The following DNAH7 variants were observed in gnomAD, a reference collection of about 807,000 sequenced individuals.
DNAH7 encodes axonemal beta dynein heavy chain 7.
In DNAH7, 397 loss-of-function variants were observed where a neutral mutation model predicts 444.6. That is an observed-to-expected ratio of 0.89 (90% CI 0.82 to 0.97). The LOEUF (loss-of-function observed/expected upper bound fraction) is 0.97. Ranked by LOEUF, DNAH7 falls within the 50% of genes least tolerant of loss-of-function variation. DNAH7 has a pLI of 0.00. For synonymous variants in DNAH7, 1,636 were observed against 1,624.4 expected, an observed-to-expected ratio of 1.01 and a Z score of -0.17; for missense variants, 4,902 against 4,800.8, an observed-to-expected ratio of 1.02 and a Z score of -0.62.
At position 195,814,724 on chromosome 2, in the gene DNAH7, G is replaced by T. The variant is rs146916585; in HGVS notation, c.9761+1904C>A. Among the ~76,000 whole-genome samples the T allele has an allele frequency of 4.6e-3, 701 of 152,074 alleles. 2 individuals are homozygous for T. Among genetic ancestry groups the T allele is most frequent in the Middle Eastern group, 0.014 (4 of 294 alleles). On this transcript the variant is annotated intron_variant, in intron 51 of 64. Coordinates refer to ENST00000312428, the MANE Select transcript of DNAH7 (RefSeq NM_018897.3). ...TGGCTATAATGTGATTAGCACTGTCGTAACTACTGGGAATAATTTTTTTTT... is the reference window on the plus strand; with the variant it reads ...TGGCTATAATGTGATTAGCACTGTCTTAACTACTGGGAATAATTTTTTTTT...
intron 48 of DNAH7, among the ~76,000 whole-genome samples, chr2:195,826,891 T>C (rs1369539679): frequency 1.3e-5 from 2 of 152,108 alleles, no homozygotes; most frequent in African/African-American, 2.4e-5. Flanking sequence ...ATGGCTTTGA[T>C]CTCTTTGGCC....
chr2:195,888,145 G>A, intron 33 of DNAH7, 113 bp downstream of exon 33: 1 of 856,016 alleles, frequency 1.2e-6, no homozygotes, highest in South Asian at 2.2e-5. Flanking sequence ...AATCAAAAAG[G>A]TTTTGATTTA....
intron 5 of DNAH7, among the ~76,000 whole-genome samples, chr2:196,040,644 T>C (rs1008904696): frequency 2.0e-5 from 3 of 152,158 alleles, no homozygotes; most frequent in African/African-American, 7.2e-5. Context: ...TTAAAATAGT[T>C]TTCTGTAAGA....
intron 59 of DNAH7, among the ~76,000 whole-genome samples, chr2:195,777,473 A>G (rs1238215326): frequency 6.6e-6 from 1 of 152,220 alleles, no homozygotes; most frequent in African/African-American, 2.4e-5. Context: ...TGCTAATAAT[A>G]TTTTGCTAAT....
At chr2:195,895,811 A>G (rs1021022223) in intron 29 of DNAH7, among the ~76,000 whole-genome samples, 3 of 152,304 alleles carry the variant, frequency 2.0e-5, no homozygotes, top group South Asian at 2.1e-4. Context: ...GACCATATAC[A>G]TACTACTTTT....
In DNAH7 at chr2:196,000,769, A is replaced by T; in HGVS notation, c.1288T>A (p.Tyr430Asn). ...CTGACAGCTTTAATCATGACGTCAT[A>T]AACATTTAGAAAGATATCTATATAG... The part of the protein sequence containing the change: ...SDYIDIFLNV[Y>N]DVMIKAVSFV... Residue 430 changes from tyrosine (Y) to asparagine (N), a missense_variant, in exon 12 of 65, where the codon TAT becomes AAT. Tyr to Asn is a moderately radical substitution (Grantham distance 143). Transcript: ENST00000312428. 1 of 1,599,534 alleles carries T rather than the reference A, an allele frequency of 6.3e-7. No individual in the cohort carries two copies. The highest frequency in any genetic ancestry group is 8.5e-7 in the Non-Finnish European group (1 of 1,172,310).
At position 195,985,325 on chromosome 2, in the gene DNAH7, A is replaced by T. The variant is rs1465866908; in HGVS notation, c.1755-615T>A. 2.6e-5 allele frequency among the ~76,000 whole-genome samples: 4 copies of T among 152,218 alleles called. No individual in the cohort carries two copies. The East Asian group carries it at 7.7e-4, about 29-fold the overall frequency. On this transcript the variant is annotated intron_variant, in intron 14 of 64. Transcript: ENST00000312428. ...GAACAGCATGGGGATAATGGGTTAA[A>T]GTCTGGGGCTGGGAGATGAAAGAGG...
intron 15 of DNAH7, among the ~76,000 whole-genome samples, chr2:195,978,578 CAAT>C (rs1390856133): frequency 6.6e-6 from 1 of 151,642 alleles, no homozygotes; most frequent in Non-Finnish European, 1.5e-5. Flanking sequence ...TCAATAACAA[CAAT>C]AACATCAAAA....
rs772446920 is a variant in DNAH7, at chr2:196,047,365, C to A, written c.385G>T (p.Val129Phe). The A allele has an allele frequency of 1.3e-6, 2 of 1,595,070 alleles. No individual in the cohort carries two copies. The highest frequency in any genetic ancestry group is 1.7e-6 in the Non-Finnish European group (2 of 1,169,912). ...KERENFRSTL[V>F]NVIMQQDADL... The stretch of plus-strand genomic sequence containing the variant: ...TATACAACTTACATAATGACATTAA[C>A]AAGAGTACTTCTAAAGTTTTCTCGT... Residue 129 changes from valine to phenylalanine, a missense_variant, in exon 5 of 65, where the codon GTT (valine) becomes TTT (phenylalanine). Coordinates refer to ENST00000312428, the MANE Select transcript of DNAH7 (RefSeq NM_018897.3).
In DNAH7 at chr2:195,828,393, G is replaced by A. The variant is rs922237092; in HGVS notation, c.9101-3948C>T. Among the ~76,000 whole-genome samples, 11 of 151,930 alleles carry A rather than the reference G, an allele frequency of 7.2e-5. 1 individual carries two copies. Among genetic ancestry groups the A allele is most frequent in the African/African-American group, 2.7e-4 (11 of 41,370 alleles). On this transcript the variant is annotated intron_variant, in intron 48 of 64. Transcript: ENST00000312428. ...AGGTCAGGACATCGAGACCATCCTG[G>A]CTAACACAGTGAAACCCTGTCTCTA...
intron 12 of DNAH7, among the ~76,000 whole-genome samples, chr2:195,996,251 A>C (rs1420571487): frequency 6.6e-6 from 1 of 152,198 alleles, no homozygotes; most frequent in Non-Finnish European, 1.5e-5. Flanking sequence ...GAGCAGACTA[A>C]AATCCTTAGC....
Position 195,817,752 on chromosome 2 carries a change from C to T in DNAH7, c.9369G>A (p.Arg3123=), listed in dbSNP as rs1273489583. The T allele has an allele frequency of 6.2e-7, 1 of 1,613,228 alleles. No homozygotes were observed. The highest frequency in any genetic ancestry group is 8.5e-7 in the Non-Finnish European group (1 of 1,179,624). ...CTTGCTTTTCTTCTTCAAGGTCTGG[C>T]CTTTCTTGTGCCACCACAATTCCCA... The part of the protein sequence containing the change: ...QLLGIVVAQE[R]PDLEEEKQAL... The change falls in exon 50 of 65, where the codon AGG becomes AGA. Residue 3123 remains arginine, a synonymous_variant. Coordinates refer to ENST00000312428, the MANE Select transcript of DNAH7 (RefSeq NM_018897.3).
At chr2:195,784,311 A>AT in intron 58 of DNAH7, among the ~76,000 whole-genome samples, 1 of 152,080 alleles carries the variant, frequency 6.6e-6, no homozygotes, top group Non-Finnish European at 1.5e-5. Flanking sequence ...TGTCTCCACA[A>AT]TTTTGCCTTT....
chr2:195,911,931 T>C (rs1687383184), intron 24 of DNAH7, among the ~76,000 whole-genome samples: 2 of 152,206 alleles, frequency 1.3e-5, no homozygotes, highest in Non-Finnish European at 2.9e-5. Context: ...TAAAAATTTT[T>C]GGTAAACCTG....
At chr2:196,065,509 T>C (rs1227463056) in intron 1 of DNAH7, among the ~76,000 whole-genome samples, 1 of 152,216 alleles carries the variant, frequency 6.6e-6, no homozygotes, top group African/African-American at 2.4e-5. Context: ...CTTCCTGCTC[T>C]GTGCCTGGGA....
At chr2:196,012,984 A>T (rs1694810105) in intron 9 of DNAH7, 78 bp from the exon 10 acceptor site, 6 of 1,039,154 alleles carry the variant, frequency 5.8e-6, no homozygotes, top group Non-Finnish European at 7.9e-6. Flanking sequence ...GTTCCTTCTT[A>T]AAAATATCAT....
At chr2:195,800,296 C>A (rs1207547462) in intron 54 of DNAH7, among the ~76,000 whole-genome samples, 1 of 152,146 alleles carries the variant, frequency 6.6e-6, no homozygotes, top group African/African-American at 2.4e-5. Flanking sequence ...AAATTGTGTT[C>A]ATCATGTTGT....
intron 48 of DNAH7, among the ~76,000 whole-genome samples, chr2:195,827,773 T>G (rs1697846629): frequency 6.6e-6 from 1 of 151,718 alleles, no homozygotes; most frequent in Non-Finnish European, 1.5e-5. Context: ...GATGGGGTCT[T>G]GCTACATTGC....
intron 40 of DNAH7, among the ~76,000 whole-genome samples, chr2:195,868,618 T>G (rs1700492043): frequency 6.6e-6 from 1 of 150,654 alleles, no homozygotes; most frequent in African/African-American, 2.5e-5. Context: ...ACAGTTTATA[T>G]GATTTGCAGG....
Sources: allele counts gnomAD v4.1 joint callset (sites outside exome capture counted in the v4.1 genomes callset), GRCh38; gene constraint gnomAD v4.1.1; transcripts MANE v1.5; gene names NCBI Gene and HGNC (gene_info 2026-07-23, HGNC 2026-07-21).